TMEM116: variants seen among roughly 807,000 people sequenced by gnomAD.
TMEM116 encodes the protein transmembrane protein 116.
Under a neutral mutation model 44.3 loss-of-function variants are expected in TMEM116, and 38 were observed. The observed-to-expected ratio is 0.86, with a 90% confidence interval of 0.66 to 1.12. The LOEUF (loss-of-function observed/expected upper bound fraction) is 1.12, where lower values mean the gene tolerates loss of function less well. TMEM116 is among the 50% of genes most tolerant of loss of function. The pLI, the probability that TMEM116 is intolerant of heterozygous loss-of-function variation, is 0.00. For synonymous variants in TMEM116, 132 were observed against 144.8 expected, an observed-to-expected ratio of 0.91 and a Z score of 0.64; for missense variants, 354 against 401.7, an observed-to-expected ratio of 0.88 and a Z score of 1.01.
intron 4 of TMEM116, among the ~76,000 whole-genome samples, chr12:111,948,749 G>T (rs749858524): frequency 3.0e-4 from 46 of 151,966 alleles, no homozygotes; most frequent in Non-Finnish European, 5.1e-4. Context: ...TTATATGGCA[G>T]GGGGGCTTTG....
At chr12:111,974,579 A>G (rs12425340) in intron 4 of TMEM116, among the ~76,000 whole-genome samples, 1 of 150,582 alleles carries the variant, frequency 6.6e-6, no homozygotes, top group Non-Finnish European at 1.5e-5. Context: ...AATCACTTGA[A>G]CCTAGAAGAA....
At chr12:111,999,108 T>C (rs2136681303) in intron 3 of TMEM116, among the ~76,000 whole-genome samples, 1 of 151,744 alleles carries the variant, frequency 6.6e-6, no homozygotes, top group Middle Eastern at 3.4e-3. Flanking sequence ...TTAAGAAAAA[T>C]ACAACCAGCC....
chr12:111,941,142 C>G (rs1290616032), intron 5 of TMEM116, among the ~76,000 whole-genome samples: 1 of 152,074 alleles, frequency 6.6e-6, no homozygotes, highest in Non-Finnish European at 1.5e-5. Context: ...CTTTGGGGGG[C>G]TGAGGAAGGC....
chr12:111,961,296 A>G (rs2074571001), intron 4 of TMEM116, among the ~76,000 whole-genome samples: 1 of 152,214 alleles, frequency 6.6e-6, no homozygotes, highest in Admixed American at 6.5e-5. Context: ...ACAACAGAAA[A>G]AGAGAGAATC....
chr12:111,973,642 A>C (rs1387302779), intron 4 of TMEM116, among the ~76,000 whole-genome samples: 1 of 152,230 alleles, frequency 6.6e-6, no homozygotes, highest in Non-Finnish European at 1.5e-5. Flanking sequence ...AAAATACAGG[A>C]AATAATGAAG....
intron 4 of TMEM116, among the ~76,000 whole-genome samples, chr12:111,944,151 G>A (rs2073070964): frequency 1.3e-5 from 2 of 151,938 alleles, no homozygotes; most frequent in African/African-American, 4.8e-5. Flanking sequence ...GGAACTAGTA[G>A]GATAAAATCT....
At chr12:111,945,073 T>TAAAAAAAAAAAAAAAAAA (rs1231486290) in intron 4 of TMEM116, among the ~76,000 whole-genome samples, 3 of 56,640 alleles carry the variant, frequency 5.3e-5, no homozygotes, top group Non-Finnish European at 6.9e-5. Context: ...AGACTCCATC[T>TAAAAAAAAAAAAAAAAAA]AAAAAAAAAA....
At chr12:111,943,726 C>A (rs1238990631) in intron 4 of TMEM116, among the ~76,000 whole-genome samples, 1 of 151,910 alleles carries the variant, frequency 6.6e-6, no homozygotes, top group Non-Finnish European at 1.5e-5. Flanking sequence ...TGGTAGAGAT[C>A]GGGTTTCACC....
rs117096257 is a variant in TMEM116, at chr12:111,998,179, C to A, written c.78+5621G>T. Among the ~76,000 whole-genome samples, 863 of 152,220 alleles carry A rather than the reference C, an allele frequency of 5.7e-3. 5 individuals are homozygous for A. Among genetic ancestry groups the A allele is most frequent in the Admixed American group, 0.011 (163 of 15,278 alleles). On this transcript the variant is annotated intron_variant, in intron 3 of 10. Transcript: ENST00000552374. ...TGTTTTGAAAGCAAGCTCACTGGCA[C>A]CAAAGAAAGTTTTGGGAGTCGGCAA...
At chr12:112,009,522 G>C (rs1398972388) in intron 1 of TMEM116, among the ~76,000 whole-genome samples, 1 of 142,664 alleles carries the variant, frequency 7.0e-6, no homozygotes, top group South Asian at 2.2e-4. Context: ...TGCTAAATCA[G>C]CATGGGTTTA....
At chr12:111,959,345 G>GA (rs1360102851) in intron 4 of TMEM116, among the ~76,000 whole-genome samples, 1 of 152,162 alleles carries the variant, frequency 6.6e-6, no homozygotes, top group Non-Finnish European at 1.5e-5. Flanking sequence ...GCTCTTGAAG[G>GA]AAGCACTAAA....
At chr12:111,959,821 T>C (rs191045882) in intron 4 of TMEM116, among the ~76,000 whole-genome samples, 23 of 152,276 alleles carry the variant, frequency 1.5e-4, no homozygotes, top group Admixed American at 9.8e-4. Flanking sequence ...CCTAAATATA[T>C]ATGCACCCAA....
At chr12:111,952,800 T>C (rs998227972) in intron 4 of TMEM116, among the ~76,000 whole-genome samples, 1 of 152,216 alleles carries the variant, frequency 6.6e-6, no homozygotes, top group Admixed American at 6.5e-5. Context: ...GCTCCTCAGC[T>C]TGCAGACAGC....
rs1207176892 is a variant in TMEM116 at position 111,940,496 on chromosome 12, CACATATATAT to C, written c.316-2296_316-2287del. Among the ~76,000 whole-genome samples, 37 of 121,058 alleles carry C rather than the reference CACATATATAT, an allele frequency of 3.1e-4. No individual in the cohort carries two copies. The East Asian group carries it at 5.1e-3, about 17-fold the overall frequency. The allele number at this position is 121,058 out of a possible 152,430, so 79.4% of individuals were successfully genotyped here. On this transcript the variant is annotated intron_variant, in intron 5 of 10. Coordinates refer to ENST00000552374, the MANE Select transcript of TMEM116 (RefSeq NM_001193531.2). The stretch of plus-strand genomic sequence containing the variant: ...ATATATACATACACACACACACACA[CACATATATAT>C]ACACACATATATATGTGTATATATA...
rs1408766963 is a variant in TMEM116, at chr12:112,009,616, T to TC, written c.-34+3385dup. Among the ~76,000 whole-genome samples the TC allele has an allele frequency of 2.7e-5, 4 of 149,288 alleles. No homozygotes were observed. The South Asian group carries it at 8.4e-4, about 31-fold the overall frequency. ...ACTTTGGGAGGCCAAGGCAGGTGGA[T>TC]CATTTGAGGTCAGGAGTTCAAGATG... On this transcript the variant is annotated intron_variant, in intron 1 of 10. Coordinates refer to ENST00000552374, the MANE Select transcript of TMEM116 (RefSeq NM_001193531.2).
intron 3 of TMEM116, among the ~76,000 whole-genome samples, chr12:112,002,371 C>G (rs1326899605): frequency 8.4e-6 from 1 of 118,352 alleles, no homozygotes; most frequent in African/African-American, 3.3e-5. Context: ...CCAGCCTGGG[C>G]AACAAGAGCG....
At chr12:111,941,144 G>T (rs1226897299) in intron 5 of TMEM116, among the ~76,000 whole-genome samples, 1 of 152,158 alleles carries the variant, frequency 6.6e-6, no homozygotes, top group Non-Finnish European at 1.5e-5. Flanking sequence ...TTGGGGGGCT[G>T]AGGAAGGCAA....
At chr12:112,008,930 G>A (rs764596937) in intron 1 of TMEM116, among the ~76,000 whole-genome samples, 26 of 147,890 alleles carry the variant, frequency 1.8e-4, no homozygotes, top group Non-Finnish European at 3.4e-4. Flanking sequence ...AGCCAAGATC[G>A]CACCATTGCA....
intron 3 of TMEM116, among the ~76,000 whole-genome samples, chr12:111,998,435 T>C (rs981230091): frequency 1.3e-5 from 2 of 152,222 alleles, no homozygotes; most frequent in Admixed American, 6.5e-5. Context: ...CCAATATGTA[T>C]AATCAACTTT....
Sources: allele counts gnomAD v4.1 joint callset (sites outside exome capture counted in the v4.1 genomes callset), GRCh38; gene constraint gnomAD v4.1.1; transcripts MANE v1.5; gene names NCBI Gene and HGNC (gene_info 2026-07-23, HGNC 2026-07-21).